The following IL17D variants were observed in gnomAD, a reference collection of about 807,000 sequenced individuals.
IL17D encodes interleukin-17D.
IL17D carries 10 observed loss-of-function variants against 5.7 expected under a neutral mutation model. The ratio of observed to expected loss-of-function variants is 1.75; its 90% CI spans 1.08 to 2.97. IL17D has a LOEUF of 2.97. Ranked by LOEUF, IL17D falls within the 30% of genes most tolerant of loss-of-function variation. The pLI, the probability that IL17D is intolerant of heterozygous loss-of-function variation, is 0.00. For missense variants in IL17D, 354 were observed against 292.7 expected (o/e 1.21, Z -1.53); for synonymous variants, 172 against 141.7 (o/e 1.21, Z -1.52).
chr13:20,717,639 G>A (rs566823792), intron 1 of IL17D, among the ~76,000 whole-genome samples: 1 of 152,324 alleles, frequency 6.6e-6, no homozygotes, highest in South Asian at 2.1e-4. Context: ...GCCCTGGGCA[G>A]CAGGGCATGG....
At chr13:20,719,186 TCA>T (rs886219642) in intron 1 of IL17D, among the ~76,000 whole-genome samples, 7 of 117,634 alleles carry the variant, frequency 6.0e-5, no homozygotes, top group East Asian at 2.7e-4. Context: ...CTGCCTACAC[TCA>T]CAGATGCCCA....
In IL17D at chr13:20,722,060, A is replaced by C; in HGVS notation, c.*106A>C. On this transcript the variant is annotated 3_prime_UTR_variant, in exon 2 of 2. Transcript: ENST00000682841. ...GACCTCTGAAGAGAGTGCACCGAGC[A>C]AACCAAGTGCCGGAGCACCAGCGCC... is the stretch of plus-strand genomic sequence containing the variant. 3 of 933,710 alleles carry C rather than the reference A, an allele frequency of 3.2e-6. No individual in the cohort carries two copies. Among genetic ancestry groups the C allele is most frequent in the Non-Finnish European group, 4.6e-6 (3 of 648,898 alleles). 57.8% of individuals were successfully genotyped at this position (933,710 alleles called of 1,614,324 possible).
intron 1 of IL17D, among the ~76,000 whole-genome samples, chr13:20,710,484 C>G (rs1291934848): frequency 2.1e-5 from 3 of 140,924 alleles, no homozygotes; most frequent in South Asian, 4.5e-4. Flanking sequence ...ACGAAATTAG[C>G]CGGGCATGGT....
chr13:20,704,287 T>C lies in IL17D; in HGVS notation c.286T>C (p.Tyr96His). Residue 96 changes from tyrosine to histidine, a missense_variant, in exon 1 of 2, where the codon TAC becomes CAC. Physicochemically the swap from Tyr to His is moderately conservative, Grantham distance 83. Transcript: ENST00000682841. The part of the protein sequence containing the change: ...TNLRSVSPWA[Y>H]RISYDPARYP... Reference sequence around the variant, plus strand: ...CCTGCGCAGCGTGTCGCCCTGGGCCTACAGGTGAGCCGCGGGCGCGTCCTG... The same window carrying C: ...CCTGCGCAGCGTGTCGCCCTGGGCCCACAGGTGAGCCGCGGGCGCGTCCTG... 1.7e-6 allele frequency: 2 copies of C among 1,150,496 alleles called. No individual in the cohort carries two copies. Among genetic ancestry groups the C allele is most frequent in the East Asian group, 4.7e-5 (1 of 21,170 alleles). 71.3% of individuals were successfully genotyped at this position (1,150,496 alleles called of 1,614,324 possible).
At position 20,716,578 on chromosome 13, in the gene IL17D, C is replaced by A. The variant is rs138126019; in HGVS notation, c.291-5058C>A. On this transcript the variant is annotated intron_variant, in intron 1 of 1. Transcript: ENST00000682841. The surrounding 1 kb of genome is among the most constrained non-coding windows in gnomAD (Gnocchi z 4.2). Reference sequence around the variant, plus strand: ...GCAAAGAACCAGGCAAGGTGGAGTTCTCTGCCCAAGGTTACTGGGTGGTGA... The same window carrying A: ...GCAAAGAACCAGGCAAGGTGGAGTTATCTGCCCAAGGTTACTGGGTGGTGA... Among the ~76,000 whole-genome samples, 2 of 152,336 alleles carry A rather than the reference C, an allele frequency of 1.3e-5. No individual in the cohort carries two copies. The highest frequency in any genetic ancestry group is 2.9e-5 in the Non-Finnish European group (2 of 68,032).
At chr13:20,711,011 T>G (rs951524389) in intron 1 of IL17D, among the ~76,000 whole-genome samples, 1 of 152,124 alleles carries the variant, frequency 6.6e-6, no homozygotes, top group African/African-American at 2.4e-5. Flanking sequence ...ACGCCTGTAA[T>G]CCCAGCACTT....
chr13:20,715,175 C>A (rs561538187), intron 1 of IL17D, among the ~76,000 whole-genome samples: 3 of 152,146 alleles, frequency 2.0e-5, no homozygotes, highest in Non-Finnish European at 4.4e-5. Context: ...TGGTCTATAC[C>A]AGGGCTGTCT....
Position 20,703,922 on chromosome 13 carries a change from GGGCGGGACACGGGCGCGGGGCGCA to G in IL17D, c.-73_-50del, listed in dbSNP as rs2058564782. ...GGCGCCCGCCGGCTCCGGGCGCCGCGGGCGGGACACGGGCGCGGGGCGCAGGCGGGCTCCTCCGGCGCGTGCGGA... is the reference window on the plus strand; with the variant it reads ...GGCGCCCGCCGGCTCCGGGCGCCGCGGGCGGGCTCCTCCGGCGCGTGCGGA... On this transcript the variant is annotated 5_prime_UTR_variant, in exon 1 of 2. Transcript: ENST00000682841. 1.2e-6 allele frequency: 1 copy of G among 833,094 alleles called. No homozygotes were observed. Among genetic ancestry groups the G allele is most frequent in the African/African-American group, 1.9e-5 (1 of 53,636 alleles). 51.6% of individuals were successfully genotyped at this position (833,094 alleles called of 1,614,324 possible). A position where few individuals can be genotyped will look rare whatever the true frequency, so the allele number is the denominator to read the frequency against.
chr13:20,719,303 ACT>A (rs991078949), intron 1 of IL17D, among the ~76,000 whole-genome samples: 5 of 134,882 alleles, frequency 3.7e-5, no homozygotes, highest in African/African-American at 1.4e-4. Context: ...ACCTGCCCAC[ACT>A]CACACCTGCC....
chr13:20,718,111 C>T (rs1349946776), intron 1 of IL17D, among the ~76,000 whole-genome samples: 1 of 152,144 alleles, frequency 6.6e-6, no homozygotes, highest in Non-Finnish European at 1.5e-5. Flanking sequence ...CCTGACCCGC[C>T]CGCCCGCCTT....
At chr13:20,708,969 AAAAAAAAAAGAAAG>A (rs1244149416) in intron 1 of IL17D, among the ~76,000 whole-genome samples, 74 of 143,586 alleles carry the variant, frequency 5.2e-4, no homozygotes, top group Non-Finnish European at 1.0e-3. Context: ...TCAAAAAAAA[AAAAAAAAAAGAAAG>A]AAAGAAAAGA....
rs1022287471 is a variant in IL17D at position 20,722,820 on chromosome 13, G to T, written c.*866G>T. On this transcript the variant is annotated 3_prime_UTR_variant, in exon 2 of 2. Coordinates refer to ENST00000682841, the MANE Select transcript of IL17D (RefSeq NM_001385224.1). ...GGGGCCAATTTGTGGTTAAGAGGTGGTGAGATAAGAAGTGGAACGTGACAT... is the reference window on the plus strand; with the variant it reads ...GGGGCCAATTTGTGGTTAAGAGGTGTTGAGATAAGAAGTGGAACGTGACAT... The T allele has an allele frequency of 1.3e-5, 2 of 152,336 alleles. No individual in the cohort carries two copies. The highest frequency in any genetic ancestry group is 1.9e-4 in the East Asian group (1 of 5,182). 9.4% of individuals were successfully genotyped at this position (152,336 alleles called of 1,614,324 possible).
Position 20,703,762 on chromosome 13 carries a change from C to G in IL17D, c.-240C>G, listed in dbSNP as rs958992538. ...TCGGGGCGGCGGCGGCGGCGGGGGC[C>G]GGGGGCGCGCGGGCCGGCGCCGGGC... On this transcript the variant is annotated 5_prime_UTR_variant, in exon 1 of 2. Transcript: ENST00000682841. The G allele has an allele frequency of 7.0e-6, 1 of 143,430 alleles. No homozygotes were observed. Among genetic ancestry groups the G allele is most frequent in the Non-Finnish European group, 1.5e-5 (1 of 65,806 alleles). 8.9% of individuals were successfully genotyped at this position (143,430 alleles called of 1,614,324 possible).
intron 1 of IL17D, among the ~76,000 whole-genome samples, chr13:20,706,326 A>G (rs562283821): frequency 9.2e-5 from 14 of 152,332 alleles, no homozygotes; most frequent in East Asian, 3.9e-4. Flanking sequence ...TGCTTCTGAT[A>G]TACCAAATAG....
intron 1 of IL17D, among the ~76,000 whole-genome samples, chr13:20,720,905 CCTTAGGTCCTGGCA>C (rs1356380739): frequency 6.7e-6 from 1 of 148,538 alleles, no homozygotes; most frequent in East Asian, 2.0e-4. Flanking sequence ...CAGACTCCCT[CCTTAGGTCCTGGCA>C]CGGAGGTGGC....
Position 20,722,844 on chromosome 13 carries a change from A to G in IL17D, c.*890A>G, listed in dbSNP as rs1595005562. Reference sequence around the variant, plus strand: ...GGTGAGATAAGAAGTGGAACGTGACATCTTTGCCAGTTGTCAGAAGAATCC... The same window carrying G: ...GGTGAGATAAGAAGTGGAACGTGACGTCTTTGCCAGTTGTCAGAAGAATCC... On this transcript the variant is annotated 3_prime_UTR_variant, in exon 2 of 2. Coordinates refer to ENST00000682841, the MANE Select transcript of IL17D (RefSeq NM_001385224.1). 6.6e-6 allele frequency: 1 copy of G among 152,216 alleles called. No individual in the cohort carries two copies. Among genetic ancestry groups the G allele is most frequent in the Admixed American group, 6.5e-5 (1 of 15,278 alleles). 9.4% of individuals were successfully genotyped at this position (152,216 alleles called of 1,614,324 possible). A position where few individuals can be genotyped will look rare whatever the true frequency, so the allele number is the denominator to read the frequency against.
At position 20,721,861 on chromosome 13, in the gene IL17D, G is replaced by T. The variant is rs752896062; in HGVS notation, c.516G>T (p.Glu172Asp). 3 of 1,610,480 alleles carry T rather than the reference G, an allele frequency of 1.9e-6. No individual in the cohort carries two copies. Among genetic ancestry groups the T allele is most frequent in the Non-Finnish European group, 2.5e-6 (3 of 1,179,774 alleles). ...TIPVGCTCVP[E>D]PEKDADSINS... ...CCGTGGGCTGCACCTGCGTCCCCGA[G>T]CCGGAGAAGGACGCAGACAGCATCA... Residue 172 changes from glutamate (E) to aspartate (D), a missense_variant, in exon 2 of 2, where the codon GAG becomes GAT. Transcript: ENST00000682841.
chr13:20,716,198 TC>T lies in IL17D; in HGVS notation c.291-5434del. ...GAGGGATGCTACATGTCCCTCAGTG[TC>T]CCCAGAGGACGGCGGATGTCTTGGT... On this transcript the variant is annotated intron_variant, in intron 1 of 1. Coordinates refer to ENST00000682841, the MANE Select transcript of IL17D (RefSeq NM_001385224.1). The surrounding 1 kb of genome is among the most constrained non-coding windows in gnomAD (Gnocchi z 4.2). 1.7e-6 allele frequency: 1 copy of T among 583,144 alleles called. No homozygotes were observed. Among genetic ancestry groups the T allele is most frequent in the Non-Finnish European group, 2.2e-6 (1 of 461,974 alleles). The allele number at this position is 583,144 out of a possible 1,614,324, so 36.1% of individuals were successfully genotyped here.
chr13:20,704,299 G>C lies in IL17D; in HGVS notation c.290+8G>C. 8.3e-7 allele frequency: 1 copy of C among 1,209,458 alleles called. No homozygotes were observed. The highest frequency in any genetic ancestry group is 1.0e-6 in the Non-Finnish European group (1 of 974,966). The allele number at this position is 1,209,458 out of a possible 1,614,324, so 74.9% of individuals were successfully genotyped here. On this transcript the variant is annotated splice_region_variant and intron_variant, in intron 1 of 1. Coordinates refer to ENST00000682841, the MANE Select transcript of IL17D (RefSeq NM_001385224.1). ...GTCGCCCTGGGCCTACAGGTGAGCC[G>C]CGGGCGCGTCCTGGCGGGGCCCGGC...
Sources: allele counts gnomAD v4.1 joint callset (sites outside exome capture counted in the v4.1 genomes callset), GRCh38; gene constraint gnomAD v4.1.1; non-coding constraint Gnocchi (gnomAD v3.1); transcripts MANE v1.5; gene names NCBI Gene and HGNC (gene_info 2026-07-23, HGNC 2026-07-21).